Variants in DAP3 observed in about 807,000 individuals in gnomAD.
DAP3 encodes small ribosomal subunit protein mS29.
In DAP3, 28 loss-of-function variants were observed where a neutral mutation model predicts 51.9. The ratio of observed to expected loss-of-function variants is 0.54; its 90% CI spans 0.40 to 0.74. DAP3 has a LOEUF of 0.74. Among genes scored for constraint, DAP3 ranks in the 30% least tolerant of loss-of-function variants. The pLI is 0.00. For synonymous variants in DAP3, 170 were observed against 170.3 expected, an observed-to-expected ratio of 1.00 and a Z score of 0.01; for missense variants, 458 against 483.5, an observed-to-expected ratio of 0.95 and a Z score of 0.49.
intron 1 of DAP3, among the ~76,000 whole-genome samples, chr1:155,702,568 G>T (rs2149128939): frequency 6.6e-6 from 1 of 152,250 alleles, no homozygotes; most frequent in African/African-American, 2.4e-5. Context: ...ATGATATGAG[G>T]TAGGGGTCCA....
chr1:155,711,211 G>A (rs151208820), intron 2 of DAP3, among the ~76,000 whole-genome samples: 2 of 152,222 alleles, frequency 1.3e-5, no homozygotes, highest in Admixed American at 6.5e-5. Flanking sequence ...TTCCTCTCTC[G>A]GCCGGGCACA....
intron 11 of DAP3, among the ~76,000 whole-genome samples, chr1:155,735,274 A>AC (rs1260109457): frequency 6.8e-6 from 1 of 146,516 alleles, no homozygotes; most frequent in Non-Finnish European, 1.5e-5. Flanking sequence ...TGAAAAAGAA[A>AC]GAAAAAAATA....
intron 2 of DAP3, among the ~76,000 whole-genome samples, chr1:155,716,087 T>C (rs994356858): frequency 6.6e-6 from 1 of 152,230 alleles, no homozygotes; most frequent in Non-Finnish European, 1.5e-5. Context: ...AGAGCTTTCC[T>C]GCTTCAAGTT....
chr1:155,694,773 T>C (rs1011112647), intron 1 of DAP3, among the ~76,000 whole-genome samples: 5 of 152,238 alleles, frequency 3.3e-5, no homozygotes, highest in African/African-American at 4.8e-5. Flanking sequence ...CCCCATGTTA[T>C]ATCTCTCTTT....
intron 1 of DAP3, among the ~76,000 whole-genome samples, chr1:155,704,299 C>T (rs991386644): frequency 4.6e-5 from 7 of 152,102 alleles, no homozygotes; most frequent in African/African-American, 9.7e-5. Context: ...ACGTTCTGAC[C>T]GTCATTTCTC....
At position 155,729,357 on chromosome 1, in the gene DAP3, T is replaced by C. The variant is rs1450992107; in HGVS notation, c.834T>C (p.Asp278=). 1.2e-6 allele frequency: 2 copies of C among 1,613,030 alleles called. No individual in the cohort carries two copies. The highest frequency in any genetic ancestry group is 1.3e-5 in the African/African-American group (1 of 74,780). ...GAAGAACCACTCTGAAAAGAGAAGA[T>C]AAAAGCCCGGTAGGAAAACTGGGTG... ...LWGRTTLKRE[D]KSPIAPEELA... Residue 278 remains aspartate, a synonymous_variant, in exon 9 of 13, where the codon GAT becomes GAC. Transcript: ENST00000368336.
rs1653749748 is a variant in DAP3, at chr1:155,691,029, T to C, written c.-8+1855T>C. 4.2e-5 allele frequency among the ~76,000 whole-genome samples: 6 copies of C among 141,932 alleles called. No individual in the cohort carries two copies. In the South Asian group the frequency reaches 1.2e-3, roughly 30 times the overall value. 93.1% of individuals were successfully genotyped at this position (141,932 alleles called of 152,430 possible). A position where few individuals can be genotyped will look rare whatever the true frequency, so the allele number is the denominator to read the frequency against. On this transcript the variant is annotated intron_variant, in intron 1 of 12. Transcript: ENST00000368336. ...TTCGCGCCATTCTCCTACCTCAGCC[T>C]CCTGAGTAGCTGGGACTACAGGCAC...
At chr1:155,731,251 A>T (rs1330177353) in intron 9 of DAP3, 105 bp from the exon 10 acceptor site, 9 of 1,126,250 alleles carry the variant, frequency 8.0e-6, no homozygotes, top group Non-Finnish European at 9.3e-6. Context: ...TGGGCGACAG[A>T]GCGAGACTCT....
chr1:155,732,632 T>A (rs1289150893), intron 11 of DAP3, among the ~76,000 whole-genome samples: 1 of 152,334 alleles, frequency 6.6e-6, no homozygotes, highest in Middle Eastern at 3.4e-3. Context: ...GACATTGATA[T>A]CATACTTTTA....
upstream of DAP3, chr1:155,688,764 C>T (rs1438994799): frequency 6.5e-7 from 1 of 1,528,268 alleles, no homozygotes; most frequent in Non-Finnish European, 8.8e-7. Flanking sequence ...CCGCCAGCAC[C>T]CCCACCCTAC....
intron 4 of DAP3, among the ~76,000 whole-genome samples, chr1:155,725,039 A>G (rs1658421780): frequency 1.3e-5 from 2 of 152,144 alleles, no homozygotes; most frequent in African/African-American, 4.8e-5. Flanking sequence ...ATTTTTCTAT[A>G]TGCTTTCCAT....
intron 1 of DAP3, among the ~76,000 whole-genome samples, chr1:155,701,055 G>A (rs1223974136): frequency 7.4e-6 from 1 of 135,148 alleles, no homozygotes; most frequent in Admixed American, 6.9e-5. Context: ...GGGAGGTGGG[G>A]GGGGGTCAGC....
At chr1:155,730,174 C>CATATATGTATATATAATATTAATATATGT (rs1659065832) in intron 9 of DAP3, among the ~76,000 whole-genome samples, 1 of 132,904 alleles carries the variant, frequency 7.5e-6, no homozygotes, top group African/African-American at 3.7e-5. Context: ...CCTATATGTT[C>CATATATGTATATATAATATTAATATATGT]ATATATGTAT....
At chr1:155,712,401 T>C (rs1656818225) in intron 2 of DAP3, among the ~76,000 whole-genome samples, 1 of 151,928 alleles carries the variant, frequency 6.6e-6, no homozygotes, top group African/African-American at 2.4e-5. Context: ...TCACCTGAGG[T>C]CGGGAGTTCG....
At chr1:155,737,119 C>G in intron 12 of DAP3, 56 bp downstream of exon 12, 1 of 1,228,574 alleles carries the variant, frequency 8.1e-7, no homozygotes, top group Non-Finnish European at 1.2e-6. Context: ...GAATCCCACT[C>G]AGTCAGAGCC....
chr1:155,704,333 A>G (rs983001396), intron 1 of DAP3, among the ~76,000 whole-genome samples: 2 of 152,194 alleles, frequency 1.3e-5, no homozygotes, highest in African/African-American at 2.4e-5. Context: ...CATAGGCAAA[A>G]TAATAGCTCC....
rs137992488 is a variant in DAP3 at position 155,731,394 on chromosome 1, G to C, written c.882G>C (p.Arg294Ser). The C allele has an allele frequency of 1.2e-6, 2 of 1,613,912 alleles. No homozygotes were observed. Among genetic ancestry groups the C allele is most frequent in the African/African-American group, 2.7e-5 (2 of 74,886 alleles). Residue 294 changes from arginine (R) to serine (S), a missense_variant, in exon 10 of 13, where the codon AGG (arginine) becomes AGC (serine). Transcript: ENST00000368336. Reference protein sequence around the residue: ...PEELALVHNLRKMMKNDWHGG... With the variant: ...PEELALVHNLSKMMKNDWHGG... ...AATTAGCACTTGTTCACAACTTGAG[G>C]AAAATGATGAAAAATGATTGGGTAA...
chr1:155,710,006 G>T, intron 2 of DAP3, 182 bp downstream of exon 2: 1 of 491,898 alleles, frequency 2.0e-6, no homozygotes, highest in Non-Finnish European at 3.6e-6. Flanking sequence ...TATTTTTCCA[G>T]AAAACATAAG....
At chr1:155,701,689 A>T (rs892597397) in intron 1 of DAP3, among the ~76,000 whole-genome samples, 66 of 107,346 alleles carry the variant, frequency 6.1e-4, no homozygotes, top group East Asian at 8.5e-4. Context: ...AAAATAAATT[A>T]AAAAAAAAAA....
Sources: allele counts gnomAD v4.1 joint callset (sites outside exome capture counted in the v4.1 genomes callset), GRCh38; gene constraint gnomAD v4.1.1; transcripts MANE v1.5; gene names NCBI Gene and HGNC (gene_info 2026-07-23, HGNC 2026-07-21).